BPTF: variants seen among roughly 807,000 people sequenced by gnomAD.
The protein encoded by BPTF is bromodomain PHD finger transcription factor, also known as nucleosome-remodeling factor subunit BPTF.
A neutral mutation model predicts 292.5 loss-of-function variants in BPTF; 18 were observed. The observed-to-expected ratio is 0.06, with a 90% CI of 0.04 to 0.09. The LOEUF is 0.09. Among genes scored for constraint, BPTF ranks in the 10% least tolerant of loss-of-function variants. The pLI, the probability that BPTF is intolerant of heterozygous loss-of-function variation, is 1.00. For synonymous variants in BPTF, 1,225 were observed against 1,251.9 expected (o/e 0.98, Z 0.45); for missense variants, 2,726 against 3,498.7 (o/e 0.78, Z 5.57).
At chr17:67,826,591 A>G (rs868370184) in intron 1 of BPTF, among the ~76,000 whole-genome samples, 1 of 122,148 alleles carries the variant, frequency 8.2e-6, no homozygotes, top group African/African-American at 2.9e-5. Context: ...CCCCCCCCCA[A>G]CCCCCTTTTT....
intron 4 of BPTF, 103 bp from the exon 5 acceptor site, chr17:67,891,741 T>C (rs974491283): frequency 1.3e-6 from 1 of 783,200 alleles, no homozygotes; most frequent in African/African-American, 1.8e-5. Flanking sequence ...CTGTTTACTT[T>C]GTGGATCTTA....
At chr17:67,876,371 T>C (rs1490743076) in intron 4 of BPTF, among the ~76,000 whole-genome samples, 1 of 152,244 alleles carries the variant, frequency 6.6e-6, no homozygotes, top group Non-Finnish European at 1.5e-5. Flanking sequence ...ATTTGAGTAC[T>C]GGTCAGCAGT....
intron 4 of BPTF, among the ~76,000 whole-genome samples, chr17:67,881,058 T>C (rs2060370885): frequency 6.6e-6 from 1 of 151,970 alleles, no homozygotes; most frequent in African/African-American, 2.4e-5. Flanking sequence ...TTTCATATAA[T>C]TTGGTAGAAG....
At chr17:67,850,647 A>G (rs560884478) in intron 1 of BPTF, among the ~76,000 whole-genome samples, 1 of 152,276 alleles carries the variant, frequency 6.6e-6, no homozygotes, top group South Asian at 2.1e-4. Context: ...GATTACGGGC[A>G]TGAGCCACTG....
chr17:67,884,134 CTT>C (rs2060595083), intron 4 of BPTF, among the ~76,000 whole-genome samples: 1 of 117,714 alleles, frequency 8.5e-6, no homozygotes, highest in Non-Finnish European at 1.6e-5. Context: ...TGGGCATTTT[CTT>C]TCTTTTTTTT....
At chr17:67,928,171 A>G (rs2064076635) in intron 15 of BPTF, among the ~76,000 whole-genome samples, 184 bp from the exon 16 acceptor site, 1 of 152,204 alleles carries the variant, frequency 6.6e-6, no homozygotes, top group Non-Finnish European at 1.5e-5. Flanking sequence ...GGTGTGAGCC[A>G]CCGCAGCCAG....
chr17:67,878,682 G>T (rs1375921807), intron 4 of BPTF, among the ~76,000 whole-genome samples: 1 of 74,684 alleles, frequency 1.3e-5, no homozygotes, highest in Non-Finnish European at 2.5e-5. Context: ...TTATGTGTTC[G>T]TGTGTGTGTG....
chr17:67,826,999 C>T (rs1161000469), intron 1 of BPTF, among the ~76,000 whole-genome samples: 3 of 152,108 alleles, frequency 2.0e-5, no homozygotes, highest in Non-Finnish European at 4.4e-5. Flanking sequence ...TGTTAAATGG[C>T]TGATTAAAAA....
At chr17:67,856,982 T>C (rs1473615084) in intron 2 of BPTF, among the ~76,000 whole-genome samples, 2 of 152,060 alleles carry the variant, frequency 1.3e-5, no homozygotes, top group Non-Finnish European at 2.9e-5. Context: ...CTCCTTGTTA[T>C]CATTGCGTTT....
chr17:67,881,259 C>T (rs1441220861), intron 4 of BPTF, among the ~76,000 whole-genome samples: 11 of 152,056 alleles, frequency 7.2e-5, no homozygotes, highest in Admixed American at 7.2e-4. Context: ...GCTACTATCA[C>T]TTTTAAAAGT....
Position 67,959,803 on chromosome 17 carries a change from C to T in BPTF, c.8189C>T (p.Ser2730Phe). ...AAGTCCAAGAAAAAGAAAATGATCT[C>T]TACTACCTCAAAGGAAACTAAGAAG... ...SSKSKKKKMISTTSKETKKDT... is the reference protein window; with the variant it reads ...SSKSKKKKMIFTTSKETKKDT... Residue 2730 changes from serine to phenylalanine, a missense_variant, in exon 24 of 28, where the codon TCT (serine) becomes TTT (phenylalanine). This residue lies in a region of BPTF where 148 missense variants were observed against 145.5 expected (regional missense o/e 1.02). Coordinates refer to ENST00000306378, the MANE Select transcript of BPTF (RefSeq NM_182641.4). 2 of 1,614,056 alleles carry T rather than the reference C, an allele frequency of 1.2e-6. No homozygotes were observed. The highest frequency in any genetic ancestry group is 1.7e-6 in the Non-Finnish European group (2 of 1,180,004).
chr17:67,826,360 G>A, intron 1 of BPTF, 23 bp downstream of exon 1: 2 of 1,590,296 alleles, frequency 1.3e-6, no homozygotes, highest in Non-Finnish European at 1.7e-6. Context: ...CCCAGTTGCT[G>A]CAGACTCCTT....
chr17:67,925,773 AT>A (rs932838853), intron 15 of BPTF, among the ~76,000 whole-genome samples: 2 of 151,954 alleles, frequency 1.3e-5, no homozygotes, highest in African/African-American at 4.8e-5. Context: ...TTTATAAAAC[AT>A]TTTTTCAAAT....
Position 67,959,508 on chromosome 17 carries a change from T to C in BPTF, c.7927-33T>C, listed in dbSNP as rs184563601. The C allele has an allele frequency of 3.3e-3, 4,856 of 1,474,702 alleles. 315 individuals carry two copies. The Admixed American group carries it at 0.11, about 32-fold the overall frequency. 91.4% of individuals were successfully genotyped at this position (1,474,702 alleles called of 1,614,324 possible). On this transcript the variant is annotated intron_variant, in intron 23 of 27. Coordinates refer to ENST00000306378, the MANE Select transcript of BPTF (RefSeq NM_182641.4). ...AGATCACACATTTACATGACTCTAATGATAGTCTTGTATTGTCTTTAATTG... is the reference window on the plus strand; with the variant it reads ...AGATCACACATTTACATGACTCTAACGATAGTCTTGTATTGTCTTTAATTG...
At chr17:67,978,698 C>T (rs1347519780) in intron 27 of BPTF, among the ~76,000 whole-genome samples, 3 of 152,132 alleles carry the variant, frequency 2.0e-5, no homozygotes, top group African/African-American at 7.2e-5. Context: ...TGTAAAATGT[C>T]AGCAGACCAA....
At chr17:67,846,136 A>C (rs2058014540) in intron 1 of BPTF, among the ~76,000 whole-genome samples, 1 of 152,216 alleles carries the variant, frequency 6.6e-6, no homozygotes, top group Non-Finnish European at 1.5e-5. Context: ...AAATCTTTCA[A>C]ATATAAAAGA....
intron 14 of BPTF, among the ~76,000 whole-genome samples, chr17:67,924,259 C>T (rs1038938190): frequency 6.6e-6 from 1 of 152,032 alleles, no homozygotes; most frequent in Admixed American, 6.6e-5. Context: ...CCGGCCTGAG[C>T]CACTGTGCCC....
chr17:67,976,456 A>G (rs1196383878), intron 27 of BPTF, among the ~76,000 whole-genome samples: 4 of 152,098 alleles, frequency 2.6e-5, no homozygotes, highest in African/African-American at 7.2e-5. Context: ...CTGGGTGACA[A>G]TGAGACTCTC....
intron 1 of BPTF, among the ~76,000 whole-genome samples, chr17:67,832,040 C>T (rs2056733983): frequency 6.6e-6 from 1 of 152,026 alleles, no homozygotes; most frequent in Non-Finnish European, 1.5e-5. Flanking sequence ...CAGGCGCCTG[C>T]CACCACGCCC....
Sources: allele counts gnomAD v4.1 joint callset (sites outside exome capture counted in the v4.1 genomes callset), GRCh38; gene constraint gnomAD v4.1.1; regional missense constraint gnomAD v4.1.1; transcripts MANE v1.5; gene names NCBI Gene and HGNC (gene_info 2026-07-23, HGNC 2026-07-21).